The following AKR1C8 variants were observed in gnomAD, a reference collection of about 807,000 sequenced individuals.
AKR1C8 encodes aldo-keto reductase family 1 member C8.
chr10:5,176,884 A>G, the AKR1C8 span, among the ~76,000 whole-genome samples: 2 of 152,150 alleles, frequency 1.3e-5, no homozygotes, highest in African/African-American at 2.4e-5. Flanking sequence ...TTGGGCTGAG[A>G]CGATGGGGTT....
chr10:5,176,091 T>C, the AKR1C8 span, among the ~76,000 whole-genome samples: 3 of 151,978 alleles, frequency 2.0e-5, no homozygotes, highest in Admixed American at 6.6e-5. Flanking sequence ...GGTTTTCTTC[T>C]AGGGTTTTTA....
the AKR1C8 span, among the ~76,000 whole-genome samples, chr10:5,126,679 G>A: frequency 1.3e-5 from 2 of 152,012 alleles, no homozygotes; most frequent in Admixed American, 6.6e-5. Flanking sequence ...AAATAAAAAA[G>A]TGCACACAAC....
the AKR1C8 span, among the ~76,000 whole-genome samples, chr10:5,178,392 G>A: frequency 2.6e-5 from 4 of 152,110 alleles, no homozygotes; most frequent in Non-Finnish European, 5.9e-5. Context: ...GGAGAGCTTT[G>A]CTTCCAACCA....
the AKR1C8 span, among the ~76,000 whole-genome samples, chr10:5,130,099 G>C: frequency 6.6e-6 from 1 of 151,934 alleles, no homozygotes; most frequent in African/African-American, 2.4e-5. Context: ...TCCCAAGGGT[G>C]CAGGGATGGT....
chr10:5,153,642 T>C, the AKR1C8 span, among the ~76,000 whole-genome samples: 1 of 152,140 alleles, frequency 6.6e-6, no homozygotes, highest in Non-Finnish European at 1.5e-5. Context: ...CGCGTCTTCA[T>C]GTGGCCAGAG....
chr10:5,143,799 T>C, the AKR1C8 span, among the ~76,000 whole-genome samples: 1 of 150,428 alleles, frequency 6.6e-6, no homozygotes. Flanking sequence ...ACCATATTGA[T>C]TTTGGCAGTG....
the AKR1C8 span, chr10:5,123,336 G>C: frequency 3.6e-6 from 1 of 276,146 alleles, no homozygotes; most frequent in Non-Finnish European, 7.5e-6. Context: ...GCCCCACGCT[G>C]CAGCTGGTAG....
the AKR1C8 span, among the ~76,000 whole-genome samples, chr10:5,182,859 G>T: frequency 6.6e-6 from 1 of 151,326 alleles, no homozygotes; most frequent in Non-Finnish European, 1.5e-5. Flanking sequence ...GTAGTGAGCC[G>T]AGATCATGCC....
chr10:5,144,326 CT>C, the AKR1C8 span, among the ~76,000 whole-genome samples: 1 of 152,150 alleles, frequency 6.6e-6, no homozygotes, highest in Non-Finnish European at 1.5e-5. Context: ...CAGCTTTCTT[CT>C]TTTGGCTTAG....
the AKR1C8 span, among the ~76,000 whole-genome samples, chr10:5,182,327 A>G: frequency 6.6e-6 from 1 of 152,220 alleles, no homozygotes; most frequent in African/African-American, 2.4e-5. Context: ...GAATAATCAA[A>G]CTTAACTTCC....
chr10:5,116,129 C>T, the AKR1C8 span, among the ~76,000 whole-genome samples: 116 of 152,188 alleles, frequency 7.6e-4, no homozygotes, highest in Middle Eastern at 3.4e-3. Flanking sequence ...TAATACTAAG[C>T]GACGCCCTAA....
chr10:5,136,185 A>C, the AKR1C8 span, among the ~76,000 whole-genome samples: 1 of 152,216 alleles, frequency 6.6e-6, no homozygotes, highest in African/African-American at 2.4e-5. Flanking sequence ...ATCTAATTAC[A>C]ATAAATTGGT....
the AKR1C8 span, chr10:5,159,953 T>C: frequency 1.3e-5 from 5 of 379,930 alleles, no homozygotes; most frequent in East Asian, 1.5e-4. Context: ...GTGATTGAAA[T>C]TGGACACCCC....
the AKR1C8 span, chr10:5,161,879 T>C: frequency 1.9e-6 from 1 of 534,008 alleles, no homozygotes; most frequent in South Asian, 1.4e-5. Flanking sequence ...GGTACATGAA[T>C]AATGAAGAGA....
chr10:5,149,726 T>C, the AKR1C8 span, among the ~76,000 whole-genome samples: 2 of 151,864 alleles, frequency 1.3e-5, no homozygotes, highest in East Asian at 3.9e-4. Flanking sequence ...AATATGTCAT[T>C]CCAGTTAAAG....
the AKR1C8 span, among the ~76,000 whole-genome samples, chr10:5,174,906 A>C: frequency 6.7e-6 from 1 of 148,640 alleles, no homozygotes; most frequent in Admixed American, 6.6e-5. Flanking sequence ...ATATTAACTA[A>C]ATTAAAAAAT....
chr10:5,117,194 AG>A, the AKR1C8 span, among the ~76,000 whole-genome samples: 1 of 151,996 alleles, frequency 6.6e-6, no homozygotes, highest in Non-Finnish European at 1.5e-5. Flanking sequence ...TCTACAAAAT[AG>A]CCACATTTAA....
At chr10:5,127,086 C>T in the AKR1C8 span, among the ~76,000 whole-genome samples, 1 of 152,078 alleles carries the variant, frequency 6.6e-6, no homozygotes. Context: ...CCAAAAAGAT[C>T]ACACTAGCTC....
chr10:5,184,443 A>G, the AKR1C8 span, among the ~76,000 whole-genome samples: 1 of 152,216 alleles, frequency 6.6e-6, no homozygotes, highest in African/African-American at 2.4e-5. Flanking sequence ...GGCTTCTTAT[A>G]TAGCAAAAAG....
Sources: allele counts gnomAD v4.1 joint callset (sites outside exome capture counted in the v4.1 genomes callset), GRCh38; gene constraint gnomAD v4.1.1; transcripts MANE v1.5; gene names NCBI Gene and HGNC (gene_info 2026-07-23, HGNC 2026-07-21).